KCNN2: variants seen among roughly 807,000 people sequenced by gnomAD.
The protein encoded by KCNN2 is potassium calcium-activated channel subfamily N member 2, also known as small conductance calcium-activated potassium channel protein 2.
Under a neutral mutation model 55.5 loss-of-function variants are expected in KCNN2, and 24 were observed. The ratio of observed to expected loss-of-function variants is 0.43; its 90% CI spans 0.31 to 0.61. The LOEUF is 0.61. Ranked by LOEUF, KCNN2 falls within the 20% of genes least tolerant of loss-of-function variation. The pLI is 0.08. For synonymous variants in KCNN2, 431 were observed against 336.1 expected, an observed-to-expected ratio of 1.28 and a Z score of -3.09; for missense variants, 754 against 853.6, an observed-to-expected ratio of 0.88 and a Z score of 1.45.
chr5:114,133,017 A>G (rs190180530), intron 1 of KCNN2, among the ~76,000 whole-genome samples: 137 of 152,340 alleles, frequency 9.0e-4, no homozygotes, highest in Non-Finnish European at 1.7e-3. Flanking sequence ...TCTTCTACCC[A>G]TATTCCCAAA....
intron 3 of KCNN2, among the ~76,000 whole-genome samples, chr5:114,452,348 A>G (rs980514160): frequency 6.6e-6 from 1 of 152,102 alleles, no homozygotes; most frequent in African/African-American, 2.4e-5. Context: ...ATCATTTTCA[A>G]TCTGTTGCAT....
intron 2 of KCNN2, among the ~76,000 whole-genome samples, chr5:114,308,047 G>C (rs1190962455): frequency 6.6e-6 from 1 of 152,016 alleles, no homozygotes; most frequent in Non-Finnish European, 1.5e-5. Flanking sequence ...CAGTCCCTTT[G>C]TTGTATAAAT....
intron 2 of KCNN2, among the ~76,000 whole-genome samples, chr5:114,258,627 A>G (rs899361610): frequency 6.6e-6 from 1 of 152,124 alleles, no homozygotes; most frequent in East Asian, 1.9e-4. Flanking sequence ...GTTTGTGAGC[A>G]TACAGATGCG....
At chr5:114,140,260 CAT>C (rs1442084947) in intron 1 of KCNN2, among the ~76,000 whole-genome samples, 5 of 152,102 alleles carry the variant, frequency 3.3e-5, no homozygotes, top group Admixed American at 2.0e-4. Context: ...ATTTTGCTGA[CAT>C]ATAGTACGAG....
intron 5 of KCNN2, among the ~76,000 whole-genome samples, chr5:114,484,977 A>C (rs1311305453): frequency 6.6e-6 from 1 of 152,192 alleles, no homozygotes; most frequent in African/African-American, 2.4e-5. Flanking sequence ...CTGAACTCTG[A>C]GATTAAGATT....
intron 3 of KCNN2, among the ~76,000 whole-genome samples, chr5:114,423,296 C>T (rs1204933377): frequency 6.6e-6 from 1 of 152,066 alleles, no homozygotes. Flanking sequence ...ATGGTGTCCT[C>T]AGATTTAATT....
chr5:114,154,499 G>A (rs1752591594), intron 1 of KCNN2, among the ~76,000 whole-genome samples: 1 of 152,122 alleles, frequency 6.6e-6, no homozygotes, highest in South Asian at 2.1e-4. Flanking sequence ...TACAGGCTCA[G>A]AAATTTGATT....
At chr5:114,160,754 T>C (rs1752756207) in intron 1 of KCNN2, among the ~76,000 whole-genome samples, 1 of 152,230 alleles carries the variant, frequency 6.6e-6, no homozygotes. Context: ...TTTACCATTA[T>C]GTAATGGCCT....
chr5:114,423,717 C>T (rs1330525570), intron 3 of KCNN2, among the ~76,000 whole-genome samples: 4 of 152,158 alleles, frequency 2.6e-5, no homozygotes, highest in Non-Finnish European at 5.9e-5. Context: ...TGTAAACAAA[C>T]TGTCATTTGA....
intron 2 of KCNN2, among the ~76,000 whole-genome samples, chr5:114,370,177 T>C (rs1757720227): frequency 6.6e-6 from 1 of 152,126 alleles, no homozygotes; most frequent in Non-Finnish European, 1.5e-5. Context: ...AGCATGAGAA[T>C]GTCCTTTATG....
At chr5:114,101,681 G>T (rs1279458990) in intron 1 of KCNN2, among the ~76,000 whole-genome samples, 1 of 151,694 alleles carries the variant, frequency 6.6e-6, no homozygotes, top group African/African-American at 2.4e-5. Flanking sequence ...GAGAACATGT[G>T]GTGTTTGGTT....
chr5:114,148,618 G>T (rs1752452580), intron 1 of KCNN2, among the ~76,000 whole-genome samples: 1 of 152,080 alleles, frequency 6.6e-6, no homozygotes, highest in African/African-American at 2.4e-5. Context: ...GCTTAGAAGA[G>T]GGGAGAGTTC....
intron 3 of KCNN2, among the ~76,000 whole-genome samples, chr5:114,408,179 C>T (rs1285550095): frequency 1.3e-5 from 2 of 151,496 alleles, no homozygotes; most frequent in Admixed American, 6.6e-5. Flanking sequence ...AGTCAGTGGC[C>T]ACCTGTCGAC....
intron 1 of KCNN2, among the ~76,000 whole-genome samples, chr5:114,169,738 A>T (rs1340531516): frequency 1.3e-5 from 2 of 152,018 alleles, no homozygotes; most frequent in Non-Finnish European, 2.9e-5. Flanking sequence ...AAGGACATAG[A>T]TGTTTGTTTT....
intron 1 of KCNN2, among the ~76,000 whole-genome samples, chr5:114,147,725 T>A (rs977210733): frequency 2.6e-5 from 4 of 152,158 alleles, no homozygotes; most frequent in African/African-American, 7.2e-5. Context: ...ATGCCTAGGA[T>A]TGGTCTGAGA....
chr5:114,300,599 TAAG>T (rs1238306387), intron 2 of KCNN2, among the ~76,000 whole-genome samples: 2 of 152,204 alleles, frequency 1.3e-5, no homozygotes, highest in Non-Finnish European at 2.9e-5. Context: ...AGAAGTTTGA[TAAG>T]AAGAAGAAAA....
chr5:114,143,458 A>T (rs1464085604), intron 1 of KCNN2, among the ~76,000 whole-genome samples: 1 of 152,156 alleles, frequency 6.6e-6, no homozygotes, highest in Non-Finnish European at 1.5e-5. Flanking sequence ...AGAAGGGAGT[A>T]TGCCTTAACC....
chr5:114,295,198 C>T (rs1027731154), intron 2 of KCNN2, among the ~76,000 whole-genome samples: 5 of 152,196 alleles, frequency 3.3e-5, no homozygotes, highest in African/African-American at 4.8e-5. Flanking sequence ...TCTCCAGCTG[C>T]GTGCTGGGAG....
intron 1 of KCNN2, among the ~76,000 whole-genome samples, chr5:114,158,768 G>A (rs904748728): frequency 6.6e-6 from 1 of 151,838 alleles, no homozygotes; most frequent in African/African-American, 2.4e-5. Flanking sequence ...TGAAGCAATT[G>A]TGAATGGGAG....
Sources: gnomAD v4.1 joint callset for allele counts (sites outside exome capture counted in the v4.1 genomes callset) on GRCh38, gnomAD v4.1.1 for gene constraint, MANE v1.5 for transcripts, NCBI Gene and HGNC (gene_info 2026-07-23, HGNC 2026-07-21) for gene names.